The following FAF1 variants were observed in gnomAD, a reference collection of about 807,000 sequenced individuals.
FAF1 encodes the protein FAS-associated factor 1.
In FAF1, 25 loss-of-function variants were observed where a neutral mutation model predicts 92.5. That is an observed-to-expected ratio of 0.27 (90% CI 0.20 to 0.38). The LOEUF is 0.38. FAF1 is among the 10% of genes least tolerant of loss of function. The probability of loss-of-function intolerance (pLI) is 1.00; values close to 1 mark genes in which losing one functional copy is unlikely to be tolerated. For synonymous variants in FAF1, 234 were observed against 273.2 expected, an observed-to-expected ratio of 0.86 and a Z score of 1.42; for missense variants, 636 against 793.3, an observed-to-expected ratio of 0.80 and a Z score of 2.38.
chr1:50,671,399 CG>C (rs1445386570), intron 7 of FAF1, among the ~76,000 whole-genome samples: 2 of 149,206 alleles, frequency 1.3e-5, no homozygotes, highest in Non-Finnish European at 3.0e-5. Flanking sequence ...AGCAAGACTC[CG>C]TCTCAAAAAA....
At chr1:50,860,325 A>G (rs1644422147) in intron 1 of FAF1, among the ~76,000 whole-genome samples, 1 of 152,018 alleles carries the variant, frequency 6.6e-6, no homozygotes, top group Admixed American at 6.6e-5. Context: ...TACAACCTAC[A>G]GAATAGGATA....
intron 4 of FAF1, among the ~76,000 whole-genome samples, chr1:50,781,563 T>A (rs969635335): frequency 6.6e-6 from 1 of 152,062 alleles, no homozygotes. Context: ...TAGTGGGAGA[T>A]TTCAACACCC....
intron 1 of FAF1, among the ~76,000 whole-genome samples, chr1:50,922,357 G>A (rs945284893): frequency 6.7e-6 from 1 of 149,416 alleles, no homozygotes; most frequent in African/African-American, 2.5e-5. Context: ...TACTAGGGAG[G>A]CTGAGGCAGG....
chr1:50,940,441 T>G (rs1387564771), intron 1 of FAF1, among the ~76,000 whole-genome samples: 2 of 152,198 alleles, frequency 1.3e-5, no homozygotes, highest in African/African-American at 2.4e-5. Flanking sequence ...GTTCATTTGT[T>G]TTGTAGAGAT....
At chr1:50,729,038 A>ATC (rs1293096759) in intron 6 of FAF1, among the ~76,000 whole-genome samples, 3,015 of 60,522 alleles carry the variant, frequency 0.05, 39 homozygotes, top group Middle Eastern at 0.065. Context: ...ATCTATCTAT[A>ATC]TATATATATA....
intron 8 of FAF1, among the ~76,000 whole-genome samples, chr1:50,610,370 G>T (rs1652633521): frequency 6.6e-6 from 1 of 151,980 alleles, no homozygotes; most frequent in Non-Finnish European, 1.5e-5. Flanking sequence ...CACCATAATG[G>T]CTTACCACAA....
intron 4 of FAF1, among the ~76,000 whole-genome samples, chr1:50,764,840 C>T (rs1338566408): frequency 6.6e-6 from 1 of 152,144 alleles, no homozygotes; most frequent in Non-Finnish European, 1.5e-5. Context: ...ATAAACTAAC[C>T]TGTCAGAGAT....
At chr1:50,519,942 A>G (rs899449635) in intron 15 of FAF1, among the ~76,000 whole-genome samples, 7 of 152,192 alleles carry the variant, frequency 4.6e-5, no homozygotes, top group African/African-American at 1.4e-4. Context: ...AATACATGCA[A>G]TCCTTTGTTT....
intron 6 of FAF1, among the ~76,000 whole-genome samples, chr1:50,715,282 C>G (rs1341657371): frequency 1.3e-5 from 2 of 152,124 alleles, no homozygotes; most frequent in East Asian, 3.9e-4. Context: ...TTTTTCTATA[C>G]TGTTTCTTAA....
intron 8 of FAF1, among the ~76,000 whole-genome samples, chr1:50,650,114 A>G (rs1362390120): frequency 6.7e-6 from 1 of 149,744 alleles, no homozygotes; most frequent in Non-Finnish European, 1.5e-5. Context: ...GAGAAACCCC[A>G]TGTCTACTAA....
intron 1 of FAF1, among the ~76,000 whole-genome samples, chr1:50,952,969 AAAAG>A (rs1486632533): frequency 2.0e-5 from 3 of 152,244 alleles, no homozygotes; most frequent in Non-Finnish European, 2.9e-5. Flanking sequence ...AAATGTGGGG[AAAAG>A]AAAGAGAGAT....
At chr1:50,599,051 T>C (rs1002607010) in intron 8 of FAF1, among the ~76,000 whole-genome samples, 3 of 152,232 alleles carry the variant, frequency 2.0e-5, no homozygotes, top group Admixed American at 6.5e-5. Context: ...AGTAGTTCCA[T>C]AAGGTCAAAA....
intron 8 of FAF1, among the ~76,000 whole-genome samples, chr1:50,612,646 G>A (rs1652732769): frequency 6.6e-6 from 1 of 152,272 alleles, no homozygotes; most frequent in East Asian, 1.9e-4. Context: ...GCAAAACCTA[G>A]GCAGTCATGC....
intron 1 of FAF1, among the ~76,000 whole-genome samples, chr1:50,927,519 C>T (rs189410709): frequency 3.9e-5 from 6 of 152,034 alleles, no homozygotes; most frequent in Admixed American, 3.3e-4. Flanking sequence ...TCTGCCTGGG[C>T]GGCAGAGTGA....
chr1:50,562,415 C>T lies in FAF1; in HGVS notation c.1268+4662G>A, dbSNP rs143509944. 3.5e-3 allele frequency among the ~76,000 whole-genome samples: 536 copies of T among 152,274 alleles called. 1 individual carries two copies. Among genetic ancestry groups the T allele is most frequent in the Non-Finnish European group, 6.4e-3 (434 of 68,028 alleles). ...TTCCTTCTCTCCTCAATTATTTCAA[C>T]CACTGACCCTTTGTTCCCCATACGT... On this transcript the variant is annotated intron_variant, in intron 13 of 18. Coordinates refer to ENST00000396153, the MANE Select transcript of FAF1 (RefSeq NM_007051.3).
intron 15 of FAF1, among the ~76,000 whole-genome samples, chr1:50,521,691 T>C (rs1233375968): frequency 6.6e-6 from 1 of 152,238 alleles, no homozygotes; most frequent in Non-Finnish European, 1.5e-5. Context: ...TTGGGCCAGC[T>C]ATTTAACAAT....
chr1:50,825,833 G>A (rs1188938449), intron 2 of FAF1, among the ~76,000 whole-genome samples: 1 of 152,088 alleles, frequency 6.6e-6, no homozygotes, highest in East Asian at 1.9e-4. Flanking sequence ...TCTAAACAAA[G>A]TGGAGTTAAG....
At chr1:50,482,216 GT>G (rs1646712431) in intron 17 of FAF1, among the ~76,000 whole-genome samples, 2 of 152,032 alleles carry the variant, frequency 1.3e-5, no homozygotes, top group Non-Finnish European at 2.9e-5. Flanking sequence ...TTATATAAAT[GT>G]AACCATAAAT....
intron 4 of FAF1, among the ~76,000 whole-genome samples, chr1:50,786,309 C>A (rs1226405705): frequency 6.6e-6 from 1 of 152,116 alleles, no homozygotes; most frequent in Non-Finnish European, 1.5e-5. Context: ...TATGCTACAA[C>A]ATATATAAGC....
Sources: gnomAD v4.1 joint callset for allele counts (sites outside exome capture counted in the v4.1 genomes callset) on GRCh38, gnomAD v4.1.1 for gene constraint, MANE v1.5 for transcripts, NCBI Gene and HGNC (gene_info 2026-07-23, HGNC 2026-07-21) for gene names.